ALDH8A1: variants seen among roughly 807,000 people sequenced by gnomAD.
ALDH8A1 encodes the protein aldehyde dehydrogenase 8 family member A1.
In ALDH8A1, 39 loss-of-function variants were observed where a neutral mutation model predicts 43.3. The observed-to-expected ratio is 0.90, with a 90% CI of 0.70 to 1.18. The LOEUF (loss-of-function observed/expected upper bound fraction) is 1.18, where lower values mean the gene tolerates loss of function less well. Among genes scored for constraint, ALDH8A1 ranks in the 50% most tolerant of loss-of-function variants. The pLI is 0.00. For missense variants in ALDH8A1, 605 were observed against 622.6 expected (o/e 0.97, Z 0.30); for synonymous variants, 233 against 243.5 (o/e 0.96, Z 0.40).
chr6:134,926,202 CTTTTTTTTT>C (rs749949919), intron 6 of ALDH8A1, among the ~76,000 whole-genome samples: 2 of 93,738 alleles, frequency 2.1e-5, no homozygotes, highest in South Asian at 7.1e-4. Flanking sequence ...CAGGACCCTT[CTTTTTTTTT>C]TTTTTTTTTT....
rs148118331 is a variant in ALDH8A1 at position 134,945,087 on chromosome 6, G to A, written c.139-1121C>T. Among the ~76,000 whole-genome samples the A allele has an allele frequency of 7.9e-5, 12 of 151,934 alleles. No homozygotes were observed. In the East Asian group the frequency reaches 2.3e-3, roughly 29 times the overall value. On this transcript the variant is annotated intron_variant, in intron 1 of 6. Transcript: ENST00000265605. ...TCAGATTGTCATTTTCACTTGAAAT[G>A]ACTAATTATATTTATAATTTATTGA...
At chr6:134,929,425 A>G (rs1776943664) in intron 5 of ALDH8A1, among the ~76,000 whole-genome samples, 1 of 152,174 alleles carries the variant, frequency 6.6e-6, no homozygotes, top group African/African-American at 2.4e-5. Flanking sequence ...AAATAATATA[A>G]CTTCAGGTTG....
rs754175011 is a variant in ALDH8A1 at position 134,918,512 on chromosome 6, G to T, written c.1367C>A (p.Pro456His). 6.2e-7 allele frequency: 1 copy of T among 1,614,186 alleles called. No homozygotes were observed. Among genetic ancestry groups the T allele is most frequent in the Admixed American group, 1.7e-5 (1 of 60,014 alleles). ...TCCAGAACTCTTCATCCCCCCGAAA[G>T]GAAGGTTCAGCTCCCTGATGAGCCA... is the stretch of plus-strand genomic sequence containing the variant. ...NCWLIRELNL[P>H]FGGMKSSGIG... The change falls in exon 7 of 7, where the codon CCT becomes CAT. Residue 456 changes from proline to histidine, a missense_variant. Physicochemically the swap from Pro to His is moderately conservative, Grantham distance 77. Transcript: ENST00000265605.
intron 6 of ALDH8A1, among the ~76,000 whole-genome samples, chr6:134,925,590 C>T (rs77016433): frequency 6.6e-6 from 1 of 152,232 alleles, no homozygotes; most frequent in African/African-American, 2.4e-5. Context: ...CAGTCATTCA[C>T]CCAACAAATA....
rs753107106 is a variant in ALDH8A1, at chr6:134,932,795, C to CT, written c.829dup (p.Arg277LysfsTer9). The CT allele has an allele frequency of 6.2e-7, 1 of 1,614,180 alleles. No homozygotes were observed. Among genetic ancestry groups the CT allele is most frequent in the Admixed American group, 1.7e-5 (1 of 60,024 alleles). ...ACATACCTGGTTGGCAAAGCTGGAC[C>CT]TGACGGTTGCCGGAATGCACTCATC... On this transcript the variant is annotated frameshift_variant, in exon 5 of 7. Transcript: ENST00000265605. LOFTEE classifies it high-confidence loss of function.
rs769882551 is a variant in ALDH8A1 at position 134,918,653 on chromosome 6, A to G, written c.1226T>C (p.Ile409Thr). Residue 409 changes from isoleucine to threonine, a missense_variant, in exon 7 of 7, where the codon ATT becomes ACT. Coordinates refer to ENST00000265605, the MANE Select transcript of ALDH8A1 (RefSeq NM_022568.4). Reference protein sequence around the residue: ...VVPFDSEEEVIERANNVKYGL... With the variant: ...VVPFDSEEEVTERANNVKYGL... ...ATACTTAACGTTGTTGGCTCTTTCAATCACCTCCTCTTCACTATCAAAGGG... is the reference window on the plus strand; with the variant it reads ...ATACTTAACGTTGTTGGCTCTTTCAGTCACCTCCTCTTCACTATCAAAGGG... The G allele has an allele frequency of 2.3e-5, 37 of 1,614,030 alleles. No homozygotes were observed. The highest frequency in any genetic ancestry group is 1.6e-4 in the Middle Eastern group (1 of 6,084).
intron 5 of ALDH8A1, among the ~76,000 whole-genome samples, chr6:134,932,559 G>C (rs1777002216): frequency 6.6e-6 from 1 of 152,184 alleles, no homozygotes; most frequent in Non-Finnish European, 1.5e-5. Context: ...TGCAACTCAA[G>C]AAGAGGAGTT....
chr6:134,926,808 C>CAA (rs11392777), intron 6 of ALDH8A1, among the ~76,000 whole-genome samples: 1 of 146,000 alleles, frequency 6.8e-6, no homozygotes, highest in African/African-American at 2.5e-5. Context: ...GACTCTATCT[C>CAA]AAAAAAAAAA....
In ALDH8A1 at chr6:134,917,964, T is replaced by C. The variant is rs1562248398; in HGVS notation, c.*451A>G. 1.2e-5 allele frequency: 2 copies of C among 163,098 alleles called. No homozygotes were observed. Among genetic ancestry groups the C allele is most frequent in the East Asian group, 1.8e-4 (1 of 5,702 alleles). The allele number at this position is 163,098 out of a possible 1,614,324, so 10.1% of individuals were successfully genotyped here. A position where few individuals can be genotyped will look rare whatever the true frequency, so the allele number is the denominator to read the frequency against. Reference sequence around the variant, plus strand: ...TTTTGGTAAAGACAGGATTTCACCATGTTGCCTAGGCTGATCTCGAACTCC... The same window carrying C: ...TTTTGGTAAAGACAGGATTTCACCACGTTGCCTAGGCTGATCTCGAACTCC... On this transcript the variant is annotated 3_prime_UTR_variant, in exon 7 of 7. Coordinates refer to ENST00000265605, the MANE Select transcript of ALDH8A1 (RefSeq NM_022568.4).
intron 3 of ALDH8A1, among the ~76,000 whole-genome samples, chr6:134,941,167 C>T (rs116611070): frequency 2.0e-5 from 3 of 152,054 alleles, no homozygotes; most frequent in African/African-American, 7.2e-5. Flanking sequence ...TACTACATGC[C>T]CTACACTTAT....
At chr6:134,932,013 A>G (rs988211829) in intron 5 of ALDH8A1, among the ~76,000 whole-genome samples, 2 of 152,196 alleles carry the variant, frequency 1.3e-5, no homozygotes, top group African/African-American at 2.4e-5. Context: ...TCTTTGGCCT[A>G]TGTTTTTACT....
rs9494120 is a variant in ALDH8A1 at position 134,918,994 on chromosome 6, G to A, written c.1012-127C>T. On this transcript the variant is annotated intron_variant, in intron 6 of 6. Coordinates refer to ENST00000265605, the MANE Select transcript of ALDH8A1 (RefSeq NM_022568.4). ...GGTCATTCCTAAGAAATCTATGGTC[G>A]ATTATCTTATCACTCAGCTGCTAAG... 11,658 of 1,097,362 alleles carry A rather than the reference G, an allele frequency of 0.011. 835 individuals are homozygous for A. The African/African-American group carries it at 0.16, about 15-fold the overall frequency. 68.0% of individuals were successfully genotyped at this position (1,097,362 alleles called of 1,614,324 possible).
intron 2 of ALDH8A1, among the ~76,000 whole-genome samples, 192 bp downstream of exon 2, chr6:134,943,627 T>C (rs148902563): frequency 1.2e-4 from 19 of 152,334 alleles, no homozygotes; most frequent in African/African-American, 4.6e-4. Flanking sequence ...TCTCTGGCCA[T>C]CTGAATGAGA....
At chr6:134,919,970 A>G (rs1009521091) in intron 6 of ALDH8A1, among the ~76,000 whole-genome samples, 1 of 152,204 alleles carries the variant, frequency 6.6e-6, no homozygotes, top group African/African-American at 2.4e-5. Context: ...ATGCAGTGGC[A>G]CCACCATGGC....
intron 4 of ALDH8A1, among the ~76,000 whole-genome samples, chr6:134,936,153 G>A (rs1449271905): frequency 2.0e-5 from 3 of 152,164 alleles, no homozygotes; most frequent in Non-Finnish European, 4.4e-5. Context: ...ATTTCACCAC[G>A]TTAGCCAGGT....
intron 6 of ALDH8A1, among the ~76,000 whole-genome samples, chr6:134,924,059 G>A (rs1264725853): frequency 6.6e-6 from 1 of 152,176 alleles, no homozygotes; most frequent in Non-Finnish European, 1.5e-5. Flanking sequence ...GGAGCCCGAG[G>A]GAAACCAAGC....
intron 1 of ALDH8A1, among the ~76,000 whole-genome samples, chr6:134,945,191 T>A (rs1385597239): frequency 6.6e-6 from 1 of 152,148 alleles, no homozygotes; most frequent in Non-Finnish European, 1.5e-5. Context: ...TTCTATAACA[T>A]GAGTATTGCT....
At chr6:134,943,715 C>T in intron 2 of ALDH8A1, 104 bp downstream of exon 2, 1 of 1,492,746 alleles carries the variant, frequency 6.7e-7, no homozygotes, top group Non-Finnish European at 9.0e-7. Flanking sequence ...TCTACTATTG[C>T]CAGAGGAGCA....
chr6:134,947,577 G>T (rs1381916927), intron 1 of ALDH8A1, among the ~76,000 whole-genome samples: 1 of 151,660 alleles, frequency 6.6e-6, no homozygotes, highest in African/African-American at 2.4e-5. Context: ...ATTTAAAAAC[G>T]GGCAAATGAT....
Sources: allele counts gnomAD v4.1 joint callset (sites outside exome capture counted in the v4.1 genomes callset), GRCh38; gene constraint gnomAD v4.1.1; transcripts MANE v1.5; gene names NCBI Gene and HGNC (gene_info 2026-07-23, HGNC 2026-07-21).